The following DHX57 variants were observed in gnomAD, a reference collection of about 807,000 sequenced individuals.
The protein encoded by DHX57 is DExH-box helicase 57.
In DHX57, 105 loss-of-function variants were observed where a neutral mutation model predicts 156.2. That is an observed-to-expected ratio of 0.67 (90% CI 0.57 to 0.79). DHX57 has a LOEUF of 0.79. Ranked by LOEUF, DHX57 falls within the 30% of genes least tolerant of loss-of-function variation. The pLI is 0.00. For missense variants in DHX57, 1,847 were observed against 1,661.9 expected, an observed-to-expected ratio of 1.11 and a Z score of -1.94; for synonymous variants, 704 against 595.6, an observed-to-expected ratio of 1.18 and a Z score of -2.65.
intron 16 of DHX57, among the ~76,000 whole-genome samples, chr2:38,825,615 T>A (rs1031095952): frequency 6.6e-6 from 1 of 152,188 alleles, no homozygotes; most frequent in South Asian, 2.1e-4. Flanking sequence ...ACATATGTAC[T>A]CTTAAGCTCT....
chr2:38,857,225 G>T (rs958927702), intron 6 of DHX57: 1 of 153,078 alleles, frequency 6.5e-6, no homozygotes, highest in African/African-American at 2.4e-5. Flanking sequence ...ACATGGGTAG[G>T]GGCTACCATA....
intron 12 of DHX57, 27 bp from the exon 13 acceptor site, chr2:38,837,974 A>G (rs1671771480): frequency 7.2e-7 from 1 of 1,393,568 alleles, no homozygotes; most frequent in Non-Finnish European, 1.0e-6. Context: ...TAAAAATGAG[A>G]AGGATATTTA....
At chr2:38,864,764 T>C (rs13029388) in intron 2 of DHX57, among the ~76,000 whole-genome samples, 1 of 151,918 alleles carries the variant, frequency 6.6e-6, no homozygotes, top group African/African-American at 2.4e-5. Context: ...AGCTCCCTTA[T>C]AGTAAAACTT....
intron 14 of DHX57, among the ~76,000 whole-genome samples, chr2:38,827,485 C>CAAAAAAAAAAAA (rs1196817843): frequency 2.3e-4 from 2 of 8,512 alleles, no homozygotes; most frequent in African/African-American, 5.2e-4. Flanking sequence ...GACTCTGTCT[C>CAAAAAAAAAAAA]AAAAAAAAAA....
At chr2:38,809,990 C>T (rs1670157701) in intron 21 of DHX57, among the ~76,000 whole-genome samples, 2 of 151,266 alleles carry the variant, frequency 1.3e-5, no homozygotes, top group African/African-American at 4.9e-5. Context: ...GCCTCCCAGG[C>T]TCAAGCTATT....
intron 17 of DHX57, among the ~76,000 whole-genome samples, chr2:38,822,308 T>G (rs1267903090): frequency 6.6e-6 from 1 of 152,166 alleles, no homozygotes; most frequent in Non-Finnish European, 1.5e-5. Context: ...CTCAAACTCC[T>G]GACTTCAGGT....
chr2:38,803,432 T>C (rs554822499), intron 22 of DHX57, among the ~76,000 whole-genome samples: 1 of 152,116 alleles, frequency 6.6e-6, no homozygotes, highest in African/African-American at 2.4e-5. Flanking sequence ...TCTAGTCAGC[T>C]CTCTTTTCAA....
At chr2:38,832,327 C>T (rs1671422633) in intron 13 of DHX57, among the ~76,000 whole-genome samples, 1 of 151,974 alleles carries the variant, frequency 6.6e-6, no homozygotes, top group African/African-American at 2.4e-5. Flanking sequence ...GTAGTCCCAG[C>T]TACACGGGAG....
At position 38,823,936 on chromosome 2, in the gene DHX57, C is replaced by T. The variant is rs184806754; in HGVS notation, c.3015-667G>A. Among the ~76,000 whole-genome samples, 86 of 151,794 alleles carry T rather than the reference C, an allele frequency of 5.7e-4. 1 individual carries two copies. Among genetic ancestry groups the T allele is most frequent in the Non-Finnish European group, 7.5e-4 (51 of 67,930 alleles). On this transcript the variant is annotated intron_variant, in intron 16 of 23. Coordinates refer to ENST00000457308, the MANE Select transcript of DHX57 (RefSeq NM_198963.3). ...CTGAGGCAGGAGAATCACTTGAACC[C>T]GGAGGTGGAGGTTGCAGTGAGCCAA...
At chr2:38,858,593 C>A in intron 6 of DHX57, 68 bp downstream of exon 6, 1 of 1,513,600 alleles carries the variant, frequency 6.6e-7, no homozygotes, top group Non-Finnish European at 8.8e-7. Context: ...GCCAAAGCTC[C>A]CTAATTCCTA....
chr2:38,829,938 TAAATA>T (rs1294479854), intron 13 of DHX57, among the ~76,000 whole-genome samples: 15 of 152,328 alleles, frequency 9.8e-5, no homozygotes, highest in African/African-American at 3.6e-4. Context: ...AATTTTACAT[TAAATA>T]AAATAAGCAT....
rs116190771 is a variant in DHX57, at chr2:38,810,957, A to G, written c.3681+2864T>C. 557 of 844,512 alleles carry G rather than the reference A, an allele frequency of 6.6e-4. 4 individuals carry two copies. In the African/African-American group the frequency reaches 8.4e-3, roughly 13 times the overall value. The allele number at this position is 844,512 out of a possible 1,614,324, so 52.3% of individuals were successfully genotyped here. A position where few individuals can be genotyped will look rare whatever the true frequency, so the allele number is the denominator to read the frequency against. On this transcript the variant is annotated intron_variant, in intron 21 of 23. Transcript: ENST00000457308. ...CCAAGGAGGTCTGGTGGGTGGTGCC[A>G]TCCTTGATGCTGGTCACCTTCACAG...
rs1467478294 is a variant in DHX57 at position 38,798,430 on chromosome 2, C to T, written c.4030G>A (p.Val1344Ile). The T allele has an allele frequency of 6.2e-7, 1 of 1,610,348 alleles. No individual in the cohort carries two copies. Among genetic ancestry groups the T allele is most frequent in the East Asian group, 2.2e-5 (1 of 44,886 alleles). ...TCAAGTTCGCAACGAAGCTCCTTTA[C>T]CAGTTCAGCCACCTAAAATGAAAGC... is the stretch of plus-strand genomic sequence containing the variant. ...VAASHQVAEL[V>I]KELRCELDQL... Residue 1344 changes from valine to isoleucine, a missense_variant, in exon 24 of 24, where the codon GTA becomes ATA. Transcript: ENST00000457308.
intron 14 of DHX57, among the ~76,000 whole-genome samples, chr2:38,827,766 G>A (rs1671178060): frequency 6.6e-6 from 1 of 151,850 alleles, no homozygotes; most frequent in Non-Finnish European, 1.5e-5. Flanking sequence ...CTTCTTTGTT[G>A]TTACTAATGC....
intron 21 of DHX57, chr2:38,811,547 G>T: frequency 8.6e-7 from 1 of 1,168,804 alleles, no homozygotes; most frequent in Non-Finnish European, 1.3e-6. Context: ...GGCCAACATT[G>T]GCCAGGTAGG....
chr2:38,822,872 TCAC>T, intron 17 of DHX57, 118 bp downstream of exon 17: 1 of 1,060,862 alleles, frequency 9.4e-7, no homozygotes, highest in Non-Finnish European at 1.3e-6. Context: ...CCCTAAAAAT[TCAC>T]AGCTAACATA....
intron 5 of DHX57, among the ~76,000 whole-genome samples, chr2:38,859,635 A>G (rs1673084268): frequency 6.6e-6 from 1 of 152,184 alleles, no homozygotes; most frequent in South Asian, 2.1e-4. Flanking sequence ...ATGCGCTAGA[A>G]GCTGCCATCT....
At chr2:38,846,939 G>T in intron 11 of DHX57, 80 bp downstream of exon 11, 1 of 1,223,158 alleles carries the variant, frequency 8.2e-7, no homozygotes. Context: ...TCCCACCTTT[G>T]CCTTCCAAAG....
At chr2:38,829,694 C>T (rs1671285144) in intron 13 of DHX57, among the ~76,000 whole-genome samples, 2 of 152,174 alleles carry the variant, frequency 1.3e-5, no homozygotes, top group Admixed American at 6.5e-5. Flanking sequence ...GTTGGGACTA[C>T]AGGCATGCAC....
Sources: allele counts gnomAD v4.1 joint callset (sites outside exome capture counted in the v4.1 genomes callset), GRCh38; gene constraint gnomAD v4.1.1; transcripts MANE v1.5; gene names NCBI Gene and HGNC (gene_info 2026-07-23, HGNC 2026-07-21).